Variants in F5 observed in about 807,000 individuals in gnomAD.
F5 encodes the protein coagulation factor V, also known as activated protein c cofactor.
In F5, 138 loss-of-function variants were observed where a neutral mutation model predicts 216.4. The ratio of observed to expected loss-of-function variants is 0.64; its 90% CI spans 0.56 to 0.73. F5 has a LOEUF of 0.73. Ranked by LOEUF, F5 falls within the 30% of genes least tolerant of loss-of-function variation. F5 has a pLI of 0.00. For synonymous variants in F5, 916 were observed against 930.7 expected, an observed-to-expected ratio of 0.98 and a Z score of 0.29; for missense variants, 2,403 against 2,674.0, an observed-to-expected ratio of 0.90 and a Z score of 2.24.
At position 169,532,826 on chromosome 1, in the gene F5, C is replaced by A. The variant is rs1296161431; in HGVS notation, c.4972-1804G>T. ...CCCAAAGCAATCTACAGATTCAACA[C>A]TATTTTTTAACAACTACTGGAATCA... is the stretch of plus-strand genomic sequence containing the variant. On this transcript the variant is annotated intron_variant, in intron 14 of 24. Transcript: ENST00000367797. Among the ~76,000 whole-genome samples, 3 of 152,108 alleles carry A rather than the reference C, an allele frequency of 2.0e-5. No homozygotes were observed. The South Asian group carries it at 6.2e-4, about 31-fold the overall frequency.
chr1:169,553,448 C>A (rs572337231), intron 7 of F5, among the ~76,000 whole-genome samples: 1 of 152,348 alleles, frequency 6.6e-6, no homozygotes, highest in African/African-American at 2.4e-5. Context: ...GTGGCTCACG[C>A]CTGTACTCTC....
intron 14 of F5, among the ~76,000 whole-genome samples, chr1:169,532,296 G>C (rs1659608900): frequency 1.3e-5 from 2 of 152,136 alleles, no homozygotes; most frequent in Non-Finnish European, 2.9e-5. Flanking sequence ...ACAAGACATG[G>C]ATGCCCAATC....
At chr1:169,572,100 A>G (rs1158146851) in intron 3 of F5, 121 bp downstream of exon 3, 10 of 1,099,862 alleles carry the variant, frequency 9.1e-6, no homozygotes, top group Admixed American at 2.5e-5. Flanking sequence ...AATTTTTATA[A>G]TTACCAGTTG....
At position 169,530,779 on chromosome 1, in the gene F5, T is replaced by C. The variant is rs758313540; in HGVS notation, c.5208+7A>G. 3 of 1,612,318 alleles carry C rather than the reference T, an allele frequency of 1.9e-6. No individual in the cohort carries two copies. The Admixed American group carries it at 5.0e-5, about 27-fold the overall frequency. On this transcript the variant is annotated splice_region_variant and intron_variant, in intron 15 of 24. Transcript: ENST00000367797. ...GAATGAGAAAAACTTTCAATGAAAG[T>C]ACCTACTGGGTTCACAGCTGAGTAG... is the stretch of plus-strand genomic sequence containing the variant.
intron 3 of F5, among the ~76,000 whole-genome samples, chr1:169,569,422 G>T (rs1198541496): frequency 6.6e-6 from 1 of 151,948 alleles, no homozygotes; most frequent in Non-Finnish European, 1.5e-5. Context: ...ATAACTAAAA[G>T]AAAAGAATAA....
chr1:169,551,025 C>T (rs1660155754), intron 8 of F5, among the ~76,000 whole-genome samples: 1 of 152,188 alleles, frequency 6.6e-6, no homozygotes, highest in South Asian at 2.1e-4. Context: ...ATCACTCTCT[C>T]CAAGCAAGTC....
In F5 at chr1:169,530,830, C is replaced by T; in HGVS notation, c.5164G>A (p.Gly1722Ser). ...TAGGCCCAAGCCCGACAGGCAGAGC[C>T]AGGACTTTCTGGCCCTGATCGCTCA... Reference protein sequence around the residue: ...ATERSGPESPGSACRAWAYYS... With the variant: ...ATERSGPESPSSACRAWAYYS... Residue 1722 changes from glycine to serine, a missense_variant, in exon 15 of 25, where the codon GGC (glycine) becomes AGC (serine). Gly to Ser is a moderately conservative substitution (Grantham distance 56). Coordinates refer to ENST00000367797, the MANE Select transcript of F5 (RefSeq NM_000130.5). 1 of 1,613,932 alleles carries T rather than the reference C, an allele frequency of 6.2e-7. No homozygotes were observed. Among genetic ancestry groups the T allele is most frequent in the Non-Finnish European group, 8.5e-7 (1 of 1,179,834 alleles).
intron 16 of F5, 110 bp from the exon 17 acceptor site, chr1:169,528,204 C>T (rs969309233): frequency 1.3e-5 from 17 of 1,356,724 alleles, no homozygotes; most frequent in South Asian, 1.2e-4. Context: ...CATGATTCTG[C>T]ATTCCCAGGC....
chr1:169,551,066 G>A (rs929831200), intron 8 of F5, among the ~76,000 whole-genome samples: 1 of 152,088 alleles, frequency 6.6e-6, no homozygotes, highest in Non-Finnish European at 1.5e-5. Context: ...TTTTCAGCTT[G>A]GGCCACATCT....
chr1:169,569,951 G>C (rs1434947271), intron 3 of F5, among the ~76,000 whole-genome samples: 2 of 152,030 alleles, frequency 1.3e-5, no homozygotes, highest in African/African-American at 4.8e-5. Flanking sequence ...TGTCAGACAT[G>C]GAGGAGGAGA....
chr1:169,546,027 T>C (rs969860699), intron 11 of F5, among the ~76,000 whole-genome samples: 1 of 152,334 alleles, frequency 6.6e-6, no homozygotes, highest in Non-Finnish European at 1.5e-5. Flanking sequence ...TCTACTTTGA[T>C]GTGTCAATCC....
chr1:169,554,184 TC>T (rs1660256668), intron 7 of F5, among the ~76,000 whole-genome samples: 2 of 152,354 alleles, frequency 1.3e-5, no homozygotes, highest in South Asian at 2.1e-4. Flanking sequence ...CCCTGAATTT[TC>T]TAGGTAGCCA....
chr1:169,549,964 T>C lies in F5; in HGVS notation c.1448A>G (p.Tyr483Cys). The change falls in exon 10 of 25, where the codon TAT (tyrosine) becomes TGT (cysteine). Residue 483 changes from tyrosine (Y) to cysteine (C), a missense_variant. This residue lies in a region of F5 where 1,425 missense variants were observed against 1,554.8 expected (regional missense o/e 0.92). Coordinates refer to ENST00000367797, the MANE Select transcript of F5 (RefSeq NM_000130.5). Reference sequence around the variant, plus strand: ...ATCAAACTCTAAGATGTTCCACTTATAAGTATAGGTTTCCCCTGGTTGAAC... The same window carrying C: ...ATCAAACTCTAAGATGTTCCACTTACAAGTATAGGTTTCCCCTGGTTGAAC... ...RAVQPGETYT[Y>C]KWNILEFDEP... 1.2e-6 allele frequency: 2 copies of C among 1,614,182 alleles called. No individual in the cohort carries two copies. The highest frequency in any genetic ancestry group is 1.7e-4 in the Middle Eastern group (1 of 6,058).
chr1:169,553,906 A>G (rs778086065), intron 7 of F5, among the ~76,000 whole-genome samples: 3 of 152,258 alleles, frequency 2.0e-5, no homozygotes, highest in Admixed American at 2.0e-4. Context: ...TCCAAGACCT[A>G]AAGTCAGAAA....
Position 169,542,938 on chromosome 1 carries a change from C to A in F5, c.2152G>T (p.Glu718Ter), listed in dbSNP as rs1282329517. Reference sequence around the variant, plus strand: ...TAATCATAGTCAGCATCACTCTCTTCATCTTCAGGTTCTAAACGATCATGC... The same window carrying A: ...TAATCATAGTCAGCATCACTCTCTTAATCTTCAGGTTCTAAACGATCATGC... ...KMHDRLEPED[E>*]ESDADYDYQN... is the part of the protein sequence containing the mutation. The change falls in exon 13 of 25, where the codon GAA becomes TAA. Residue 718 changes from glutamate (E) to a stop codon, truncating the protein, a stop_gained. Transcript: ENST00000367797. LOFTEE classifies it high-confidence loss of function. 6.2e-7 allele frequency: 1 copy of A among 1,614,124 alleles called. No individual in the cohort carries two copies. Among genetic ancestry groups the A allele is most frequent in the Non-Finnish European group, 8.5e-7 (1 of 1,179,988 alleles).
chr1:169,546,832 TAAAGACTTAAATGTAGGCCTGG>T (rs1660015995), intron 10 of F5, among the ~76,000 whole-genome samples: 6 of 152,110 alleles, frequency 3.9e-5, no homozygotes, highest in African/African-American at 1.4e-4. Context: ...CAAGATGGAT[TAAAGACTTAAATGTAGGCCTGG>T]CGCGGTGGCT....
intron 10 of F5, among the ~76,000 whole-genome samples, chr1:169,548,404 A>G (rs1158163342): frequency 6.6e-6 from 1 of 152,112 alleles, no homozygotes; most frequent in East Asian, 1.9e-4. Context: ...ACATTGCAGC[A>G]AATTATCTAC....
chr1:169,545,401 C>T (rs1186777993), intron 11 of F5, among the ~76,000 whole-genome samples: 1 of 152,130 alleles, frequency 6.6e-6, no homozygotes, highest in East Asian at 1.9e-4. Context: ...AAGTAAGTCT[C>T]ATTAATTTTT....
intron 3 of F5, among the ~76,000 whole-genome samples, chr1:169,571,973 G>A (rs1334665810): frequency 6.6e-6 from 1 of 152,112 alleles, no homozygotes; most frequent in Non-Finnish European, 1.5e-5. Context: ...TGAGAATTCA[G>A]AGAAATTAGA....
Sources: gnomAD v4.1 joint callset for allele counts (sites outside exome capture counted in the v4.1 genomes callset) on GRCh38, gnomAD v4.1.1 for gene constraint, gnomAD v4.1.1 regional missense constraint, MANE v1.5 for transcripts, NCBI Gene and HGNC (gene_info 2026-07-23, HGNC 2026-07-21) for gene names.